The following DNAJC1 variants were observed in gnomAD, a reference collection of about 807,000 sequenced individuals.
DNAJC1 encodes DnaJ heat shock protein family (Hsp40) member C1.
A neutral mutation model predicts 76.6 loss-of-function variants in DNAJC1; 58 were observed. The observed-to-expected ratio is 0.76, with a 90% CI of 0.61 to 0.94. DNAJC1 has a LOEUF of 0.94. Among genes scored for constraint, DNAJC1 ranks in the 40% least tolerant of loss-of-function variants. The pLI, the probability that DNAJC1 is intolerant of heterozygous loss-of-function variation, is 0.00. For synonymous variants in DNAJC1, 258 were observed against 267.9 expected (o/e 0.96, Z 0.36); for missense variants, 689 against 677.3 (o/e 1.02, Z -0.19).
chr10:21,869,818 T>C (rs1718322024), intron 8 of DNAJC1, among the ~76,000 whole-genome samples: 1 of 152,098 alleles, frequency 6.6e-6, no homozygotes, highest in African/African-American at 2.4e-5. Context: ...GGTTTTGACA[T>C]TGTACTACAG....
intron 7 of DNAJC1, among the ~76,000 whole-genome samples, chr10:21,899,543 G>T (rs1213989903): frequency 1.3e-5 from 2 of 151,684 alleles, no homozygotes; most frequent in East Asian, 1.9e-4. Flanking sequence ...AATGAGAAAG[G>T]ATCCCCCAAC....
chr10:21,987,917 C>A (rs572263039), intron 1 of DNAJC1, among the ~76,000 whole-genome samples: 1 of 152,188 alleles, frequency 6.6e-6, no homozygotes, highest in South Asian at 2.1e-4. Context: ...TATAATCCTG[C>A]AAAATTACAA....
At chr10:21,949,055 T>G (rs1837551274) in intron 1 of DNAJC1, among the ~76,000 whole-genome samples, 2 of 152,190 alleles carry the variant, frequency 1.3e-5, no homozygotes, top group African/African-American at 2.4e-5. Context: ...AGTTAAAGTT[T>G]AAAAATCTGT....
At chr10:21,992,142 C>G (rs1838334409) in intron 1 of DNAJC1, among the ~76,000 whole-genome samples, 1 of 152,188 alleles carries the variant, frequency 6.6e-6, no homozygotes, top group African/African-American at 2.4e-5. Context: ...GAAACCCCGT[C>G]TCTACTAAAA....
chr10:21,962,459 C>CTTTT (rs34817098), intron 1 of DNAJC1, among the ~76,000 whole-genome samples: 7 of 39,888 alleles, frequency 1.8e-4, no homozygotes, highest in Admixed American at 4.3e-4. Flanking sequence ...TATTTTATTG[C>CTTTT]TTTTTTTTTT....
chr10:21,897,963 C>A (rs1836571604), intron 7 of DNAJC1, among the ~76,000 whole-genome samples: 1 of 152,146 alleles, frequency 6.6e-6, no homozygotes, highest in Admixed American at 6.5e-5. Flanking sequence ...ACTGTCTACA[C>A]AGAAAATCCA....
intron 8 of DNAJC1, among the ~76,000 whole-genome samples, chr10:21,876,342 C>G (rs1410028148): frequency 6.6e-6 from 1 of 151,990 alleles, no homozygotes; most frequent in Non-Finnish European, 1.5e-5. Context: ...GAACTCCTAA[C>G]CCCAAGAGAC....
intron 1 of DNAJC1, among the ~76,000 whole-genome samples, chr10:21,929,631 T>A (rs1028596921): frequency 4.6e-5 from 7 of 152,176 alleles, no homozygotes; most frequent in African/African-American, 1.7e-4. Flanking sequence ...CTTTCACATG[T>A]CAAAAAGCAT....
intron 1 of DNAJC1, among the ~76,000 whole-genome samples, chr10:21,933,975 T>C (rs1837269870): frequency 1.3e-5 from 2 of 152,184 alleles, no homozygotes; most frequent in Non-Finnish European, 2.9e-5. Context: ...TATACTATTA[T>C]GGTTATTTCA....
At chr10:21,827,865 T>A (rs1835288016) in intron 8 of DNAJC1, among the ~76,000 whole-genome samples, 2 of 152,246 alleles carry the variant, frequency 1.3e-5, no homozygotes, top group Non-Finnish European at 2.9e-5. Context: ...ACTCTTAGGT[T>A]GTTTAAAATT....
intron 7 of DNAJC1, among the ~76,000 whole-genome samples, chr10:21,890,194 C>G (rs978618434): frequency 5.3e-5 from 8 of 151,562 alleles, no homozygotes; most frequent in Non-Finnish European, 1.2e-4. Context: ...GGGTGGATGA[C>G]CTGAGGTCAG....
chr10:21,989,280 C>A (rs1457637997), intron 1 of DNAJC1, among the ~76,000 whole-genome samples: 1 of 152,116 alleles, frequency 6.6e-6, no homozygotes, highest in Non-Finnish European at 1.5e-5. Flanking sequence ...ATGAAAACTG[C>A]ACTCTAAGTA....
intron 8 of DNAJC1, among the ~76,000 whole-genome samples, chr10:21,849,286 C>A: frequency 9.1e-6 from 1 of 110,252 alleles, no homozygotes; most frequent in Non-Finnish European, 1.7e-5. Flanking sequence ...GAGTGGGACT[C>A]CGCCTCAAAA....
chr10:21,764,840 A>C (rs994355100), intron 10 of DNAJC1, among the ~76,000 whole-genome samples: 4 of 152,250 alleles, frequency 2.6e-5, no homozygotes. Context: ...GCCAAATATC[A>C]CATCGGATTT....
At chr10:21,932,930 G>A (rs1837252398) in intron 1 of DNAJC1, among the ~76,000 whole-genome samples, 1 of 152,120 alleles carries the variant, frequency 6.6e-6, no homozygotes, top group Non-Finnish European at 1.5e-5. Flanking sequence ...AGTGCTGAAT[G>A]GGGTAAGGGG....
rs140523215 is a variant in DNAJC1 at position 21,936,687 on chromosome 10, T to C, written c.223-7546A>G. 2.4e-3 allele frequency among the ~76,000 whole-genome samples: 367 copies of C among 152,306 alleles called. 2 individuals are homozygous for C. Among genetic ancestry groups the C allele is most frequent in the African/African-American group, 8.2e-3 (339 of 41,574 alleles). ...CACATTCTAGCAAAATATTTTTATG[T>C]GACTGAAACTAAACTGGTATTAATC... On this transcript the variant is annotated intron_variant, in intron 1 of 11. Transcript: ENST00000376980.
intron 8 of DNAJC1, among the ~76,000 whole-genome samples, chr10:21,822,971 C>T (rs527412454): frequency 1.3e-4 from 20 of 151,536 alleles, no homozygotes; most frequent in Admixed American, 9.2e-4. Flanking sequence ...AAAACTACCA[C>T]GGTCGGTAGT....
intron 8 of DNAJC1, among the ~76,000 whole-genome samples, chr10:21,875,730 G>A (rs1306972100): frequency 3.3e-5 from 5 of 152,142 alleles, no homozygotes; most frequent in Non-Finnish European, 5.9e-5. Flanking sequence ...GTTCAGACCA[G>A]CCTGGCCAAC....
rs1258108565 is a variant in DNAJC1 at position 21,781,664 on chromosome 10, T to A, written c.1099-15355A>T. The stretch of plus-strand genomic sequence containing the variant: ...TGAACCTGGGAGGCGGAGCTTGCAG[T>A]GAGCCGAGATCGTGCCACTGCACTC... On this transcript the variant is annotated intron_variant, in intron 9 of 11. Transcript: ENST00000376980. 1.2e-4 allele frequency among the ~76,000 whole-genome samples: 16 copies of A among 137,842 alleles called. No individual in the cohort carries two copies. The Admixed American group carries it at 1.3e-3, about 11-fold the overall frequency. 90.4% of individuals were successfully genotyped at this position (137,842 alleles called of 152,430 possible).
Sources: allele counts gnomAD v4.1 joint callset (sites outside exome capture counted in the v4.1 genomes callset), GRCh38; gene constraint gnomAD v4.1.1; transcripts MANE v1.5; gene names NCBI Gene and HGNC (gene_info 2026-07-23, HGNC 2026-07-21).